Variants in DLGAP4 observed in about 807,000 individuals in gnomAD.
DLGAP4 encodes the protein disks large-associated protein 4.
DLGAP4 carries 18 observed loss-of-function variants against 86.9 expected under a neutral mutation model. The ratio of observed to expected loss-of-function variants is 0.21; its 90% CI spans 0.14 to 0.31. The LOEUF is 0.31. DLGAP4 is among the 10% of genes least tolerant of loss of function. The pLI is 1.00. For missense variants in DLGAP4, 1,085 were observed against 1,362.6 expected, an observed-to-expected ratio of 0.80 and a Z score of 3.21; for synonymous variants, 548 against 574.3, an observed-to-expected ratio of 0.95 and a Z score of 0.65.
Position 36,432,370 on chromosome 20 carries a change from T to G in DLGAP4, c.653T>G (p.Phe218Cys), listed in dbSNP as rs750850422. The change falls in exon 3 of 13, where the codon TTC becomes TGC. Residue 218 changes from phenylalanine to cysteine, a missense_variant. This residue lies in a region of DLGAP4 where 1,082 missense variants were observed against 1,344.1 expected (regional missense o/e 0.81). Coordinates refer to ENST00000339266, the MANE Select transcript of DLGAP4 (RefSeq NM_001365621.2). This position sits in a 1 kb window ranked among gnomAD's most constrained non-coding sequence, Gnocchi z 6.5. Reference protein sequence around the residue: ...DDNLDGEAGAFRSSGPASGLM... With the variant: ...DDNLDGEAGACRSSGPASGLM... ...AACTTGGACGGCGAGGCCGGCGCCT[T>G]CCGCAGCAGTGGCCCAGCCTCTGGG... The G allele has an allele frequency of 6.2e-7, 1 of 1,613,568 alleles. No individual in the cohort carries two copies. Among genetic ancestry groups the G allele is most frequent in the Admixed American group, 1.7e-5 (1 of 60,032 alleles).
rs2036109582 is a variant in DLGAP4 at position 36,500,721 on chromosome 20, T to C, written c.2512+110T>C. 12 of 1,085,300 alleles carry C rather than the reference T, an allele frequency of 1.1e-5. No homozygotes were observed. The South Asian group carries it at 2.8e-4, about 25-fold the overall frequency. The allele number at this position is 1,085,300 out of a possible 1,614,324, so 67.2% of individuals were successfully genotyped here. A position where few individuals can be genotyped will look rare whatever the true frequency, so the allele number is the denominator to read the frequency against. ...CTGAGTGGGGGTCTCTTAGGTTCTC[T>C]TCTTGGGCTAGTTTTTGAGCTCCCT... On this transcript the variant is annotated intron_variant, in intron 10 of 12. Transcript: ENST00000339266. The surrounding 1 kb of genome is among the most constrained non-coding windows in gnomAD (Gnocchi z 4.6).
Position 36,462,210 on chromosome 20 carries a change from A to G in DLGAP4, c.1648+15273A>G, listed in dbSNP as rs557117737. 68 of 1,116,846 alleles carry G rather than the reference A, an allele frequency of 6.1e-5. No homozygotes were observed. The South Asian group carries it at 1.5e-3, about 25-fold the overall frequency. The allele number at this position is 1,116,846 out of a possible 1,614,324, so 69.2% of individuals were successfully genotyped here. A position where few individuals can be genotyped will look rare whatever the true frequency, so the allele number is the denominator to read the frequency against. ...GGGTCTTTCTCCTTGGGACCCCCCAATATGTCCTCAGCTCCCTGACTTCAG... is the reference window on the plus strand; with the variant it reads ...GGGTCTTTCTCCTTGGGACCCCCCAGTATGTCCTCAGCTCCCTGACTTCAG... On this transcript the variant is annotated intron_variant, in intron 7 of 12. Transcript: ENST00000339266.
intron 10 of DLGAP4, among the ~76,000 whole-genome samples, chr20:36,519,883 T>C (rs558690513): frequency 1.3e-5 from 2 of 152,182 alleles, no homozygotes; most frequent in African/African-American, 4.8e-5. Context: ...CTTGACCTTC[T>C]GGGCTCAAGC....
intron 6 of DLGAP4, among the ~76,000 whole-genome samples, chr20:36,445,116 C>A (rs537144079): frequency 8.6e-5 from 13 of 152,026 alleles, no homozygotes; most frequent in African/African-American, 1.2e-4. Context: ...TTTTTAATTT[C>A]TTTTGTAGAG....
chr20:36,475,679 C>A (rs995687683), intron 7 of DLGAP4, among the ~76,000 whole-genome samples: 2 of 152,142 alleles, frequency 1.3e-5, no homozygotes, highest in African/African-American at 4.8e-5. Flanking sequence ...CCAGCCCTTG[C>A]TCACAAATAC....
Position 36,431,789 on chromosome 20 carries a change from T to A in DLGAP4, c.72T>A (p.Phe24Leu). The A allele has an allele frequency of 6.2e-7, 1 of 1,613,488 alleles. No homozygotes were observed. Among genetic ancestry groups the A allele is most frequent in the Non-Finnish European group, 8.5e-7 (1 of 1,179,846 alleles). Residue 24 changes from phenylalanine (F) to leucine (L), a missense_variant, in exon 3 of 13, where the codon TTT becomes TTA. By Grantham distance (22) the Phe-to-Leu change is conservative. Coordinates refer to ENST00000339266, the MANE Select transcript of DLGAP4 (RefSeq NM_001365621.2). This position sits in a 1 kb window ranked among gnomAD's most constrained non-coding sequence, Gnocchi z 5.1. Reference protein sequence around the residue: ...DSLDPPHEPLFAGTDRNPYLL... With the variant: ...DSLDPPHEPLLAGTDRNPYLL... ...TAGACCCACCCCACGAGCCCCTGTTTGCAGGGACCGACCGCAACCCCTACC... is the reference window on the plus strand; with the variant it reads ...TAGACCCACCCCACGAGCCCCTGTTAGCAGGGACCGACCGCAACCCCTACC...
At chr20:36,345,059 T>G (rs2029894954) in intron 1 of DLGAP4, among the ~76,000 whole-genome samples, 1 of 152,204 alleles carries the variant, frequency 6.6e-6, no homozygotes, top group Non-Finnish European at 1.5e-5. Context: ...TGAAGGGACC[T>G]AAAGTCACTA....
At chr20:36,439,682 A>G in intron 4 of DLGAP4, 72 bp from the exon 5 acceptor site, 2 of 1,319,562 alleles carry the variant, frequency 1.5e-6, no homozygotes, top group African/African-American at 2.9e-5. Flanking sequence ...TGCATCACAG[A>G]TGGTCAAGGC....
At position 36,432,745 on chromosome 20, in the gene DLGAP4, A is replaced by T; in HGVS notation, c.999+29A>T. ...GGTCTCTGGCAGGGTCAGGGGTGGG[A>T]TGAGGGCTCTGGGGACGGCACCAGT... On this transcript the variant is annotated intron_variant, in intron 3 of 12. Transcript: ENST00000339266. The surrounding 1 kb of genome is among the most constrained non-coding windows in gnomAD (Gnocchi z 6.5). 1.9e-6 allele frequency: 3 copies of T among 1,609,230 alleles called. No individual in the cohort carries two copies. The highest frequency in any genetic ancestry group is 2.5e-6 in the Non-Finnish European group (3 of 1,177,994).
chr20:36,314,148 C>T (rs1443514238), intron 1 of DLGAP4, among the ~76,000 whole-genome samples: 21 of 151,728 alleles, frequency 1.4e-4, no homozygotes, highest in African/African-American at 4.4e-4. Flanking sequence ...AGCAGAAGCG[C>T]GTGCAGAGGC....
At chr20:36,336,224 G>A (rs1160192011) in intron 1 of DLGAP4, among the ~76,000 whole-genome samples, 1 of 152,146 alleles carries the variant, frequency 6.6e-6, no homozygotes, top group African/African-American at 2.4e-5. Context: ...CAGAGCTGAA[G>A]TTTCTGGCCT....
chr20:36,346,001 C>G (rs558090596), intron 1 of DLGAP4, among the ~76,000 whole-genome samples: 1 of 152,342 alleles, frequency 6.6e-6, no homozygotes, highest in South Asian at 2.1e-4. Context: ...AAGCAATCCT[C>G]TTGCCTTGGC....
chr20:36,330,558 ATT>A lies in DLGAP4; in HGVS notation c.-304+24063_-304+24064del, dbSNP rs113329878. ...AGCTGAGGCTTCAGTGACTTTTGGG[ATT>A]TTTTTTTTTTTTTTTTGAGATGGAG... is the stretch of plus-strand genomic sequence containing the variant. On this transcript the variant is annotated intron_variant, in intron 1 of 12. Coordinates refer to ENST00000339266, the MANE Select transcript of DLGAP4 (RefSeq NM_001365621.2). Among the ~76,000 whole-genome samples the A allele has an allele frequency of 5.7e-3, 744 of 130,930 alleles. 6 individuals carry two copies. The highest frequency in any genetic ancestry group is 0.014 in the African/African-American group (469 of 33,606). 85.9% of individuals were successfully genotyped at this position (130,930 alleles called of 152,430 possible). A position where few individuals can be genotyped will look rare whatever the true frequency, so the allele number is the denominator to read the frequency against.
chr20:36,376,142 G>C (rs542606850), intron 2 of DLGAP4, among the ~76,000 whole-genome samples: 3 of 151,866 alleles, frequency 2.0e-5, no homozygotes, highest in Non-Finnish European at 4.4e-5. Flanking sequence ...GGGATTACAG[G>C]CTTGAGCTAC....
chr20:36,346,298 C>T (rs2029936455), intron 1 of DLGAP4, among the ~76,000 whole-genome samples: 1 of 152,184 alleles, frequency 6.6e-6, no homozygotes, highest in South Asian at 2.1e-4. Context: ...AAGAACTGTG[C>T]CATAGCCATT....
chr20:36,367,522 C>T (rs1220855196), intron 2 of DLGAP4, among the ~76,000 whole-genome samples: 2 of 152,208 alleles, frequency 1.3e-5, no homozygotes, highest in African/African-American at 2.4e-5. Flanking sequence ...GAGGGGAAGC[C>T]ACCTGCTTGG....
chr20:36,345,552 TC>T (rs1324043117), intron 1 of DLGAP4, among the ~76,000 whole-genome samples: 2 of 152,220 alleles, frequency 1.3e-5, no homozygotes, highest in African/African-American at 4.8e-5. Context: ...GGCATCTGCA[TC>T]CCAGGCTTGT....
chr20:36,482,000 G>GT (rs1438081335), intron 7 of DLGAP4, among the ~76,000 whole-genome samples: 1 of 152,104 alleles, frequency 6.6e-6, no homozygotes, highest in Admixed American at 6.5e-5. Flanking sequence ...AAATCCCTCT[G>GT]TTTTTCTGTG....
intron 7 of DLGAP4, among the ~76,000 whole-genome samples, chr20:36,482,707 T>A (rs896945485): frequency 1.3e-5 from 2 of 152,162 alleles, no homozygotes; most frequent in African/African-American, 4.8e-5. Context: ...GGTCTAACTC[T>A]GTTGTCCAGG....
Sources: gnomAD v4.1 joint callset for allele counts (sites outside exome capture counted in the v4.1 genomes callset) on GRCh38, gnomAD v4.1.1 for gene constraint, gnomAD v4.1.1 regional missense constraint, Gnocchi (gnomAD v3.1) non-coding constraint, MANE v1.5 for transcripts, NCBI Gene and HGNC (gene_info 2026-07-23, HGNC 2026-07-21) for gene names.